BPTF: variants seen among roughly 807,000 people sequenced by gnomAD.
BPTF encodes the protein bromodomain PHD finger transcription factor, also known as nucleosome-remodeling factor subunit BPTF.
A neutral mutation model predicts 292.5 loss-of-function variants in BPTF; 18 were observed. That is an observed-to-expected ratio of 0.06 (90% CI 0.04 to 0.09). BPTF has a LOEUF of 0.09. BPTF is among the 10% of genes least tolerant of loss of function. The pLI is 1.00. For synonymous variants in BPTF, 1,225 were observed against 1,251.9 expected (o/e 0.98, Z 0.45); for missense variants, 2,726 against 3,498.7 (o/e 0.78, Z 5.57).
At position 67,825,970 on chromosome 17, in the gene BPTF, G is replaced by C. The variant is rs964518276; in HGVS notation, c.246G>C (p.Pro82=). 3 of 1,037,970 alleles carry C rather than the reference G, an allele frequency of 2.9e-6. No individual in the cohort carries two copies. Among genetic ancestry groups the C allele is most frequent in the Non-Finnish European group, 3.5e-6 (3 of 865,724 alleles). The allele number at this position is 1,037,970 out of a possible 1,614,324, so 64.3% of individuals were successfully genotyped here. The stretch of plus-strand genomic sequence containing the variant: ...GGAGGAAGCCGCCGCCGCCGCCGCC[G>C]GCCCCCCCCAGCACCAGCGCCCCGG... ...SSRRKPPPPP[P]APPSTSAPGR... The change falls in exon 1 of 28, where the codon CCG becomes CCC. Residue 82 remains proline, a synonymous_variant. Coordinates refer to ENST00000306378, the MANE Select transcript of BPTF (RefSeq NM_182641.4).
intron 18 of BPTF, among the ~76,000 whole-genome samples, chr17:67,939,609 T>G (rs563827668): frequency 6.6e-5 from 10 of 152,302 alleles, no homozygotes; most frequent in East Asian, 1.9e-4. Context: ...CAGGTGAGGT[T>G]GCTCATGCCT....
At chr17:67,897,181 A>G (rs1598492946) in intron 7 of BPTF, among the ~76,000 whole-genome samples, 1 of 151,284 alleles carries the variant, frequency 6.6e-6, no homozygotes, top group Non-Finnish European at 1.5e-5. Context: ...AAACAAAAAC[A>G]AAAAACGAAA....
chr17:67,978,736 C>T (rs2069899256), intron 27 of BPTF, among the ~76,000 whole-genome samples: 1 of 152,148 alleles, frequency 6.6e-6, no homozygotes, highest in Admixed American at 6.5e-5. Flanking sequence ...GAGCACTCCC[C>T]AGAGGCTCAG....
chr17:67,879,679 GC>G lies in BPTF; in HGVS notation c.1864+4661del, dbSNP rs1284389872. ...GTACTGACATCTGCATCTGGTGAGG[GC>G]CTTATGATGCTTCCACTAATGACGG... On this transcript the variant is annotated intron_variant, in intron 4 of 27. Transcript: ENST00000306378. 1.3e-5 allele frequency among the ~76,000 whole-genome samples: 2 copies of G among 152,152 alleles called. 1 individual carries two copies. The highest frequency in any genetic ancestry group is 3.9e-4 in the East Asian group (2 of 5,192).
At chr17:67,938,127 T>G (rs1158219066) in intron 18 of BPTF, among the ~76,000 whole-genome samples, 3 of 152,190 alleles carry the variant, frequency 2.0e-5, no homozygotes, top group Non-Finnish European at 2.9e-5. Context: ...AGTCAGAAAT[T>G]ATTACATTTT....
chr17:67,959,939 G>A, intron 24 of BPTF, 64 bp downstream of exon 24: 1 of 1,221,560 alleles, frequency 8.2e-7, no homozygotes, highest in Non-Finnish European at 1.1e-6. Context: ...ATTGGATTTT[G>A]AAGAAAATGA....
chr17:67,827,930 CTTTTTTT>C (rs35169238), intron 1 of BPTF, among the ~76,000 whole-genome samples: 1 of 128,968 alleles, frequency 7.8e-6, no homozygotes, highest in Non-Finnish European at 1.6e-5. Flanking sequence ...AATTTTAGTA[CTTTTTTT>C]TTTTTTTTTT....
chr17:67,839,003 C>T (rs2057350210), intron 1 of BPTF, among the ~76,000 whole-genome samples: 1 of 151,978 alleles, frequency 6.6e-6, no homozygotes, highest in African/African-American at 2.4e-5. Context: ...AATAATTTTA[C>T]TCTAGGAATA....
chr17:67,844,225 A>G (rs1339419891), intron 1 of BPTF, among the ~76,000 whole-genome samples: 1 of 150,800 alleles, frequency 6.6e-6, no homozygotes, highest in Non-Finnish European at 1.5e-5. Context: ...CTGGGACTAC[A>G]GGCATGCACC....
At chr17:67,875,133 T>C (rs1163125719) in intron 4 of BPTF, 113 bp downstream of exon 4, 2 of 891,438 alleles carry the variant, frequency 2.2e-6, no homozygotes, top group African/African-American at 1.7e-5. Context: ...TAATTTAATA[T>C]TTCTAAAGAG....
rs530824650 is a variant in BPTF, at chr17:67,871,228, A to G, written c.1661-3589A>G. Among the ~76,000 whole-genome samples the G allele has an allele frequency of 1.9e-3, 285 of 152,198 alleles. 1 individual carries two copies. The highest frequency in any genetic ancestry group is 3.4e-3 in the Middle Eastern group (1 of 294). ...AATTTCAAATGTACACAAAAGTTGA[A>G]AGAATTATACAGTTACCAGCCTGAT... is the stretch of plus-strand genomic sequence containing the variant. On this transcript the variant is annotated intron_variant, in intron 3 of 27. Transcript: ENST00000306378.
At position 67,944,314 on chromosome 17, in the gene BPTF, G is replaced by A; in HGVS notation, c.6642G>A (p.Leu2214=). The A allele has an allele frequency of 6.2e-7, 1 of 1,614,040 alleles. No individual in the cohort carries two copies. Among genetic ancestry groups the A allele is most frequent in the Non-Finnish European group, 8.5e-7 (1 of 1,180,030 alleles). The stretch of plus-strand genomic sequence containing the variant: ...TTCAGCGATTCCTCTTTACCCCATT[G>A]GCAACAACAGCCACCACAGCCAGCA... ...GTVQRFLFTP[L]ATTATTASTT... Residue 2214 remains leucine (L), a synonymous_variant, in exon 20 of 28, where the codon TTG becomes TTA. Coordinates refer to ENST00000306378, the MANE Select transcript of BPTF (RefSeq NM_182641.4).
Position 67,858,555 on chromosome 17 carries a change from CAAAAAAAAAA to C in BPTF, c.1436+3807_1436+3816del, listed in dbSNP as rs561316267. 1.7e-3 allele frequency among the ~76,000 whole-genome samples: 132 copies of C among 77,932 alleles called. 5 individuals are homozygous for C. Among genetic ancestry groups the C allele is most frequent in the African/African-American group, 7.5e-3 (119 of 15,802 alleles). 51.1% of individuals were successfully genotyped at this position (77,932 alleles called of 152,430 possible). A position where few individuals can be genotyped will look rare whatever the true frequency, so the allele number is the denominator to read the frequency against. ...GGGTGATGGAGTGAGACTCTGTCTC[CAAAAAAAAAA>C]AAAAAAAAAAAAAGTTTACTGCTGT... On this transcript the variant is annotated intron_variant, in intron 2 of 27. Coordinates refer to ENST00000306378, the MANE Select transcript of BPTF (RefSeq NM_182641.4).
intron 1 of BPTF, among the ~76,000 whole-genome samples, chr17:67,833,202 C>G (rs374536515): frequency 2.6e-5 from 4 of 151,868 alleles, no homozygotes; most frequent in African/African-American, 9.7e-5. Context: ...TAACATGTAT[C>G]AGTACTATAT....
chr17:67,944,135 G>A lies in BPTF; in HGVS notation c.6478-15G>A, dbSNP rs372887341. 3.7e-5 allele frequency: 59 copies of A among 1,597,142 alleles called. No homozygotes were observed. The highest frequency in any genetic ancestry group is 5.1e-5 in the Non-Finnish European group (59 of 1,164,732). The stretch of plus-strand genomic sequence containing the variant: ...ATGCTTTGAACACTGTTTACATGTT[G>A]TGTTTTTTCCACAGGGTGGCAATCA... On this transcript the variant is annotated splice_polypyrimidine_tract_variant and intron_variant, in intron 19 of 27. Transcript: ENST00000306378.
At position 67,945,449 on chromosome 17, in the gene BPTF, G is replaced by A. The variant is rs781794996; in HGVS notation, c.6741G>A (p.Met2247Ile). Residue 2247 changes from methionine to isoleucine, a missense_variant, in exon 21 of 28, where the codon ATG becomes ATA. Physicochemically the swap from Met to Ile is conservative, Grantham distance 10. Around this residue, in one of 22 missense-constraint regions of BPTF, gnomAD observed 570 missense variants for 633.5 expected, o/e 0.90. Coordinates refer to ENST00000306378, the MANE Select transcript of BPTF (RefSeq NM_182641.4). Reference sequence around the variant, plus strand: ...GGCAGAGTAAACTGTCACCCCAGATGCAGGTACATCAAGACAAAACCCTGC... The same window carrying A: ...GGCAGAGTAAACTGTCACCCCAGATACAGGTACATCAAGACAAAACCCTGC... ...EQRQSKLSPQMQVHQDKTLPP... is the reference protein window; with the variant it reads ...EQRQSKLSPQIQVHQDKTLPP... 4.4e-5 allele frequency: 71 copies of A among 1,613,842 alleles called. No individual in the cohort carries two copies. The South Asian group carries it at 7.7e-4, about 17-fold the overall frequency.
intron 1 of BPTF, among the ~76,000 whole-genome samples, chr17:67,834,012 C>T (rs1485451903): frequency 2.0e-5 from 3 of 152,144 alleles, no homozygotes; most frequent in South Asian, 4.1e-4. Flanking sequence ...TATTTCTTCT[C>T]TTCATCTCGA....
intron 13 of BPTF, among the ~76,000 whole-genome samples, chr17:67,922,327 T>A (rs1472369873): frequency 6.6e-6 from 1 of 152,184 alleles, no homozygotes; most frequent in African/African-American, 2.4e-5. Context: ...ATGAGGAGAT[T>A]TTATCTATTC....
At chr17:67,887,747 T>A (rs1384517403) in intron 4 of BPTF, among the ~76,000 whole-genome samples, 1 of 152,232 alleles carries the variant, frequency 6.6e-6, no homozygotes, top group Non-Finnish European at 1.5e-5. Flanking sequence ...TATCAAACTC[T>A]TTGTTTTCCT....
Sources: allele counts gnomAD v4.1 joint callset (sites outside exome capture counted in the v4.1 genomes callset), GRCh38; gene constraint gnomAD v4.1.1; regional missense constraint gnomAD v4.1.1; transcripts MANE v1.5; gene names NCBI Gene and HGNC (gene_info 2026-07-23, HGNC 2026-07-21).